The following BBX variants were observed in gnomAD, a reference collection of about 807,000 sequenced individuals.
The protein encoded by BBX is HMG box transcription factor BBX.
BBX carries 30 observed loss-of-function variants against 100.2 expected under a neutral mutation model. The observed-to-expected ratio is 0.30, with a 90% confidence interval of 0.22 to 0.41. The LOEUF (loss-of-function observed/expected upper bound fraction) is 0.41, where lower values mean the gene tolerates loss of function less well. BBX is among the 10% of genes least tolerant of loss of function. The probability of loss-of-function intolerance (pLI) is 1.00; values close to 1 mark genes in which losing one functional copy is unlikely to be tolerated. For synonymous variants in BBX, 376 were observed against 388.1 expected (o/e 0.97, Z 0.37); for missense variants, 1,023 against 1,129.8 (o/e 0.91, Z 1.35).
At chr3:107,679,102 G>A (rs191998730) in intron 3 of BBX, among the ~76,000 whole-genome samples, 11 of 151,148 alleles carry the variant, frequency 7.3e-5, no homozygotes, top group Admixed American at 5.9e-4. Context: ...AAGCAGGATG[G>A]TCTAGGATTT....
chr3:107,744,608 A>G (rs1400042985), intron 7 of BBX, 22 bp from the exon 8 acceptor site: 4 of 1,564,688 alleles, frequency 2.6e-6, no homozygotes, highest in Non-Finnish European at 3.5e-6. Context: ...AAAAGAAAAT[A>G]TGATATCTTT....
At chr3:107,751,533 G>A (rs182512853) in intron 9 of BBX, among the ~76,000 whole-genome samples, 1 of 152,046 alleles carries the variant, frequency 6.6e-6, no homozygotes, top group East Asian at 1.9e-4. Context: ...TGTTTGTTTT[G>A]ATTTTTTTTC....
chr3:107,624,589 TCGGGCACAG>T (rs1215308240), intron 2 of BBX, among the ~76,000 whole-genome samples: 1 of 152,144 alleles, frequency 6.6e-6, no homozygotes, highest in African/African-American at 2.4e-5. Flanking sequence ...AAGTAGTTGG[TCGGGCACAG>T]TGGCTTATGC....
chr3:107,689,098 G>C (rs921420645), intron 3 of BBX, among the ~76,000 whole-genome samples: 2 of 152,044 alleles, frequency 1.3e-5, no homozygotes, highest in South Asian at 2.1e-4. Flanking sequence ...TTCTCCAGTT[G>C]GTTCTTTTTC....
chr3:107,627,151 G>T (rs2056239517), intron 2 of BBX, among the ~76,000 whole-genome samples: 1 of 152,136 alleles, frequency 6.6e-6, no homozygotes, highest in Non-Finnish European at 1.5e-5. Context: ...AAAATTATTG[G>T]TTGGGCTTAC....
At chr3:107,609,596 A>C (rs115399756) in intron 2 of BBX, among the ~76,000 whole-genome samples, 264 of 152,180 alleles carry the variant, frequency 1.7e-3, no homozygotes, top group Middle Eastern at 3.4e-3. Flanking sequence ...TTATCATTCA[A>C]TATTGGTAAG....
intron 3 of BBX, among the ~76,000 whole-genome samples, chr3:107,651,840 A>G (rs1044932971): frequency 4.6e-5 from 7 of 151,658 alleles, no homozygotes; most frequent in African/African-American, 1.7e-4. Context: ...GAATTTCTCA[A>G]CCTGCCTTAT....
intron 13 of BBX, among the ~76,000 whole-genome samples, chr3:107,784,023 A>G (rs2068168299): frequency 6.6e-6 from 1 of 152,036 alleles, no homozygotes; most frequent in African/African-American, 2.4e-5. Flanking sequence ...CTTTGTGATA[A>G]GCAGTGCATT....
intron 2 of BBX, among the ~76,000 whole-genome samples, chr3:107,634,126 G>A (rs1428581143): frequency 1.3e-5 from 2 of 152,154 alleles, no homozygotes; most frequent in Non-Finnish European, 2.9e-5. Flanking sequence ...ACTAAGTTTA[G>A]ACTATAGGTG....
intron 4 of BBX, among the ~76,000 whole-genome samples, chr3:107,715,508 T>C (rs2062040852): frequency 6.6e-6 from 1 of 152,258 alleles, no homozygotes; most frequent in South Asian, 2.1e-4. Context: ...TTGATTTTAA[T>C]TTTGAAACCA....
chr3:107,699,810 A>C (rs373355564), intron 3 of BBX, among the ~76,000 whole-genome samples: 1 of 151,974 alleles, frequency 6.6e-6, no homozygotes, highest in Non-Finnish European at 1.5e-5. Flanking sequence ...GGCCTGGCCC[A>C]GACAAGATAT....
intron 3 of BBX, among the ~76,000 whole-genome samples, chr3:107,688,082 T>G (rs903475851): frequency 1.3e-5 from 2 of 152,168 alleles, no homozygotes; most frequent in Non-Finnish European, 2.9e-5. Context: ...TACAAAATGT[T>G]ATTTACACTT....
At chr3:107,800,986 T>C (rs2108030757) in intron 16 of BBX, 109 bp from the exon 17 acceptor site, 1 of 1,011,064 alleles carries the variant, frequency 9.9e-7, no homozygotes. Flanking sequence ...CAAAAGTGAA[T>C]GGTAGAGAAT....
At chr3:107,607,031 C>T (rs1443424071) in intron 2 of BBX, among the ~76,000 whole-genome samples, 1 of 152,078 alleles carries the variant, frequency 6.6e-6, no homozygotes, top group South Asian at 2.1e-4. Context: ...TGATGTTTGT[C>T]TTTCTCTGCC....
intron 5 of BBX, among the ~76,000 whole-genome samples, chr3:107,721,506 A>T (rs1366970461): frequency 6.6e-6 from 1 of 151,956 alleles, no homozygotes; most frequent in Non-Finnish European, 1.5e-5. Context: ...GGGCCCCACC[A>T]CATTTGTGGA....
intron 13 of BBX, among the ~76,000 whole-genome samples, chr3:107,779,020 T>TATATATATATATATATATATAC (rs1449263925): frequency 1.0e-5 from 1 of 95,816 alleles, no homozygotes; most frequent in African/African-American, 4.1e-5. Context: ...TATATATATA[T>TATATATATATATATATATATAC]ACACACACAC....
At chr3:107,675,852 G>C (rs1043484145) in intron 3 of BBX, among the ~76,000 whole-genome samples, 29 of 152,234 alleles carry the variant, frequency 1.9e-4, no homozygotes, top group Admixed American at 3.3e-4. Flanking sequence ...ATCTCCAGGG[G>C]CTGGATTTGC....
At chr3:107,624,460 A>C (rs914423367) in intron 2 of BBX, among the ~76,000 whole-genome samples, 2 of 152,230 alleles carry the variant, frequency 1.3e-5, no homozygotes, top group Non-Finnish European at 2.9e-5. Flanking sequence ...CAGTGTATGA[A>C]AAGTTATTTA....
chr3:107,798,823 T>G (rs933580294), intron 16 of BBX, 103 bp downstream of exon 16: 2 of 988,728 alleles, frequency 2.0e-6, no homozygotes, highest in African/African-American at 1.8e-5. Context: ...ACACTAACAA[T>G]AGCCAATGAG....
Sources: allele counts gnomAD v4.1 joint callset (sites outside exome capture counted in the v4.1 genomes callset), GRCh38; gene constraint gnomAD v4.1.1; transcripts MANE v1.5; gene names NCBI Gene and HGNC (gene_info 2026-07-23, HGNC 2026-07-21).